The following KMT2A variants were observed in gnomAD, a reference collection of about 807,000 sequenced individuals.
KMT2A encodes histone-lysine N-methyltransferase 2A.
In KMT2A, 16 loss-of-function variants were observed where a neutral mutation model predicts 345.3. That is an observed-to-expected ratio of 0.05 (90% CI 0.03 to 0.07). KMT2A has a LOEUF of 0.07. Ranked by LOEUF, KMT2A falls within the 10% of genes least tolerant of loss-of-function variation. The probability of loss-of-function intolerance (pLI) is 1.00; values close to 1 mark genes in which losing one functional copy is unlikely to be tolerated. For missense variants in KMT2A, 3,272 were observed against 4,841.6 expected (o/e 0.68, Z 9.62); for synonymous variants, 1,599 against 1,778.6 (o/e 0.90, Z 2.54).
chr11:118,464,877 C>G (rs1949813909), intron 1 of KMT2A, among the ~76,000 whole-genome samples: 1 of 152,136 alleles, frequency 6.6e-6, no homozygotes, highest in African/African-American at 2.4e-5. Flanking sequence ...TCTGGAGGAC[C>G]AAAGAATGAT....
chr11:118,467,565 A>G (rs1949868773), intron 1 of KMT2A, among the ~76,000 whole-genome samples: 1 of 152,186 alleles, frequency 6.6e-6, no homozygotes, highest in Admixed American at 6.5e-5. Flanking sequence ...GCTCCTCTAA[A>G]GCATTTAAAT....
rs1555046443 is a variant in KMT2A, at chr11:118,503,105, T to C, written c.7213T>C (p.Leu2405=). 15 of 1,613,232 alleles carry C rather than the reference T, an allele frequency of 9.3e-6. 1 individual carries two copies. The highest frequency in any genetic ancestry group is 4.0e-5 in the African/African-American group (3 of 75,006). ...SPDEDTEVKT[L]KLSGMSNRSS... Reference sequence around the variant, plus strand: ...AGATGAAGATACTGAAGTCAAAACCTTGAAGCTATCTGGAATGAGCAACAG... The same window carrying C: ...AGATGAAGATACTGAAGTCAAAACCCTGAAGCTATCTGGAATGAGCAACAG... Residue 2405 remains leucine, a synonymous_variant, in exon 27 of 36, where the codon TTG becomes CTG. Transcript: ENST00000534358. The surrounding 1 kb of genome is among the most constrained non-coding windows in gnomAD (Gnocchi z 5.3).
At position 118,498,462 on chromosome 11, in the gene KMT2A, G is replaced by C. The variant is rs1400574911; in HGVS notation, c.5895G>C (p.Lys1965Asn). Residue 1965 changes from lysine to asparagine, a missense_variant, in exon 22 of 36, where the codon AAG becomes AAC. Lys to Asn is a moderately conservative substitution (Grantham distance 94). Around this residue, in one of 27 missense-constraint regions of KMT2A, gnomAD observed 235 missense variants for 503.4 expected, o/e 0.47. Transcript: ENST00000534358. This position sits in a 1 kb window ranked among gnomAD's most constrained non-coding sequence, Gnocchi z 4.4. ...SNYHFMCSRA[K>N]NCVFLDDKKV... ...ATCACTTCATGTGTTCCCGAGCCAA[G>C]AACTGTGTCTTTCTGGATGATAAAA... The C allele has an allele frequency of 6.2e-7, 1 of 1,612,908 alleles. No individual in the cohort carries two copies. Among genetic ancestry groups the C allele is most frequent in the Non-Finnish European group, 8.5e-7 (1 of 1,179,840 alleles).
Position 118,484,362 on chromosome 11 carries a change from A to C in KMT2A, c.4218+48A>C, listed in dbSNP as rs782426344. On this transcript the variant is annotated intron_variant, in intron 9 of 35. Coordinates refer to ENST00000534358, the MANE Select transcript of KMT2A (RefSeq NM_001197104.2). The surrounding 1 kb of genome is among the most constrained non-coding windows in gnomAD (Gnocchi z 4.1). The stretch of plus-strand genomic sequence containing the variant: ...AAGTATATTGAGTGTCAAAGACTTT[A>C]AATAAAGAAAATGCTACTACCAAAG... 2 of 1,584,164 alleles carry C rather than the reference A, an allele frequency of 1.3e-6. No individual in the cohort carries two copies. Among genetic ancestry groups the C allele is most frequent in the African/African-American group, 2.7e-5 (2 of 73,874 alleles).
In KMT2A at chr11:118,476,015, C is replaced by CA. The variant is rs1373249882; in HGVS notation, c.3157-790_3157-789insA. Among the ~76,000 whole-genome samples, 2 of 152,108 alleles carry CA rather than the reference C, an allele frequency of 1.3e-5. No individual in the cohort carries two copies. The highest frequency in any genetic ancestry group is 4.8e-5 in the African/African-American group (2 of 41,436). On this transcript the variant is annotated intron_variant, in intron 3 of 35. Transcript: ENST00000534358. The surrounding 1 kb of genome is among the most constrained non-coding windows in gnomAD (Gnocchi z 4.1). ...CCGCCTCCCAGGTTCAAGCAATTCT[C>CA]CTGCCTCAGCCTCCCAAGTAGCTGG...
At position 118,484,618 on chromosome 11, in the gene KMT2A, TA is replaced by T. The variant is rs781952152; in HGVS notation, c.4219-242del. Among the ~76,000 whole-genome samples the T allele has an allele frequency of 5.3e-5, 8 of 152,192 alleles. No individual in the cohort carries two copies. The highest frequency in any genetic ancestry group is 6.5e-5 in the Admixed American group (1 of 15,286). On this transcript the variant is annotated intron_variant, in intron 9 of 35. Coordinates refer to ENST00000534358, the MANE Select transcript of KMT2A (RefSeq NM_001197104.2). The surrounding 1 kb of genome is among the most constrained non-coding windows in gnomAD (Gnocchi z 4.1). ...ATGATTCCTTGAGTCAGCAAAACTG[TA>T]AGAGAAATTCAATCCCAGTGTATTT...
chr11:118,446,406 G>C (rs1301689898), intron 1 of KMT2A, among the ~76,000 whole-genome samples: 2 of 152,284 alleles, frequency 1.3e-5, no homozygotes, highest in Admixed American at 1.3e-4. Context: ...TACACCATCA[G>C]AAACCATCAA....
At chr11:118,513,302 T>C (rs946130742) in intron 31 of KMT2A, among the ~76,000 whole-genome samples, 10 of 152,066 alleles carry the variant, frequency 6.6e-5, no homozygotes, top group African/African-American at 2.2e-4. Context: ...AAACCTTCCA[T>C]TGACTTTGTT....
At chr11:118,466,692 G>A (rs1949850070) in intron 1 of KMT2A, among the ~76,000 whole-genome samples, 1 of 152,152 alleles carries the variant, frequency 6.6e-6, no homozygotes, top group South Asian at 2.1e-4. Flanking sequence ...GCACACGCCT[G>A]TAATTCCAGC....
At position 118,482,752 on chromosome 11, in the gene KMT2A, C is replaced by CA. The variant is rs59972810; in HGVS notation, c.4086+271dup. ...TAGCAAGACCCTGTCTTTATTTAAA[C>CA]AAAAAAAAAAAAAAGAAGAAGAAGA... On this transcript the variant is annotated intron_variant, in intron 8 of 35. Transcript: ENST00000534358. Among the ~76,000 whole-genome samples, 498 of 115,348 alleles carry CA rather than the reference C, an allele frequency of 4.3e-3. 1 individual carries two copies. Among genetic ancestry groups the CA allele is most frequent in the East Asian group, 0.012 (47 of 4,006 alleles). The allele number at this position is 115,348 out of a possible 152,430, so 75.7% of individuals were successfully genotyped here.
chr11:118,494,729 A>G lies in KMT2A; in HGVS notation c.5325A>G (p.Lys1775=). The change falls in exon 18 of 36, where the codon AAA becomes AAG. Residue 1775 remains lysine, a synonymous_variant. Transcript: ENST00000534358. This position sits in a 1 kb window ranked among gnomAD's most constrained non-coding sequence, Gnocchi z 5.8. ...GTGTTTTTCCATGGTTCAGTGTCAA[A>G]AAGTCCAGGTTTTGGGAGCCAAATA... is the stretch of plus-strand genomic sequence containing the variant. The part of the protein sequence containing the change: ...MERVFPWFSV[K]KSRFWEPNKV... 6.2e-7 allele frequency: 1 copy of G among 1,614,084 alleles called. No individual in the cohort carries two copies. Among genetic ancestry groups the G allele is most frequent in the Non-Finnish European group, 8.5e-7 (1 of 1,179,968 alleles).
chr11:118,519,891 A>G (rs1555052947), intron 32 of KMT2A, 66 bp from the exon 33 acceptor site: 2 of 1,561,032 alleles, frequency 1.3e-6, no homozygotes, highest in Non-Finnish European at 1.8e-6. Flanking sequence ...TCCAGTTTTA[A>G]TGCCATCATC....
Position 118,484,094 on chromosome 11 carries a change from T to A in KMT2A, c.4087-89T>A, listed in dbSNP as rs1950189190. ...GAAACATGTTTTTTAGATCTATTAA[T>A]AAAATTTGTCATTTGCATTATTATC... On this transcript the variant is annotated intron_variant, in intron 8 of 35. Coordinates refer to ENST00000534358, the MANE Select transcript of KMT2A (RefSeq NM_001197104.2). This position sits in a 1 kb window ranked among gnomAD's most constrained non-coding sequence, Gnocchi z 4.1. The A allele has an allele frequency of 7.9e-7, 1 of 1,267,122 alleles. No homozygotes were observed. Among genetic ancestry groups the A allele is most frequent in the Admixed American group, 2.2e-5 (1 of 45,120 alleles). 78.5% of individuals were successfully genotyped at this position (1,267,122 alleles called of 1,614,324 possible). A position where few individuals can be genotyped will look rare whatever the true frequency, so the allele number is the denominator to read the frequency against.
In KMT2A at chr11:118,472,762, G is replaced by C. The variant is rs782485631; in HGVS notation, c.1603G>C (p.Glu535Gln). 6.2e-7 allele frequency: 1 copy of C among 1,613,644 alleles called. No homozygotes were observed. Among genetic ancestry groups the C allele is most frequent in the Non-Finnish European group, 8.5e-7 (1 of 1,179,956 alleles). ...DRRSRRYSVS[E>Q]RSFGSRTTKK... ...GAGAAGCAGAAGGTATTCAGTGTCG[G>C]AGAGAAGTTTTGGATCTAGAACGAC... Residue 535 changes from glutamate to glutamine, a missense_variant, in exon 3 of 36, where the codon GAG becomes CAG. Glu to Gln is a conservative substitution (Grantham distance 29). Coordinates refer to ENST00000534358, the MANE Select transcript of KMT2A (RefSeq NM_001197104.2).
chr11:118,441,533 T>C (rs750998886), intron 1 of KMT2A, among the ~76,000 whole-genome samples: 3 of 152,180 alleles, frequency 2.0e-5, no homozygotes, highest in African/African-American at 4.8e-5. Flanking sequence ...AATTCCAGAC[T>C]ATCCAAAAGA....
intron 1 of KMT2A, among the ~76,000 whole-genome samples, chr11:118,463,767 C>T (rs1555033408): frequency 1.3e-5 from 2 of 152,102 alleles, no homozygotes; most frequent in African/African-American, 4.8e-5. Flanking sequence ...TCAAAGAAAA[C>T]TCATGGAAAA....
intron 1 of KMT2A, among the ~76,000 whole-genome samples, chr11:118,465,921 TG>T (rs1949835119): frequency 6.6e-6 from 1 of 152,202 alleles, no homozygotes; most frequent in Admixed American, 6.5e-5. Flanking sequence ...TGTTTTGTTT[TG>T]TTTTTTTGGT....
At chr11:118,441,198 C>G (rs1459196097) in intron 1 of KMT2A, among the ~76,000 whole-genome samples, 3 of 151,586 alleles carry the variant, frequency 2.0e-5, no homozygotes, top group Middle Eastern at 3.4e-3. Context: ...GAGTCAGGGT[C>G]TCACTATGTT....
Position 118,495,979 on chromosome 11 carries a change from A to G in KMT2A, c.5557+86A>G. On this transcript the variant is annotated intron_variant, in intron 19 of 35. Coordinates refer to ENST00000534358, the MANE Select transcript of KMT2A (RefSeq NM_001197104.2). This position sits in a 1 kb window ranked among gnomAD's most constrained non-coding sequence, Gnocchi z 4.1. ...TGAATCCAATTCACTAAAATTAGAT[A>G]TACTTGGATATCAGAAAGGAATTTT... is the stretch of plus-strand genomic sequence containing the variant. 1 of 1,170,590 alleles carries G rather than the reference A, an allele frequency of 8.5e-7. No homozygotes were observed. The highest frequency in any genetic ancestry group is 2.4e-5 in the East Asian group (1 of 42,518). The allele number at this position is 1,170,590 out of a possible 1,614,324, so 72.5% of individuals were successfully genotyped here.
Sources: allele counts gnomAD v4.1 joint callset (sites outside exome capture counted in the v4.1 genomes callset), GRCh38; gene constraint gnomAD v4.1.1; regional missense constraint gnomAD v4.1.1; non-coding constraint Gnocchi (gnomAD v3.1); transcripts MANE v1.5; gene names NCBI Gene and HGNC (gene_info 2026-07-23, HGNC 2026-07-21).